Variants in H2BW1 observed in about 807,000 individuals in gnomAD.
H2BW1 encodes the protein histone H2B type W-T.
A neutral mutation model predicts 8.0 loss-of-function variants in H2BW1; 9 were observed. That is an observed-to-expected ratio of 1.13 (90% CI 0.68 to 1.97). The LOEUF (loss-of-function observed/expected upper bound fraction) is 1.97. Ranked by LOEUF, H2BW1 falls within the 30% of genes most tolerant of loss-of-function variation. H2BW1 has a pLI of 0.00. For synonymous variants in H2BW1, 58 were observed against 54.7 expected (o/e 1.06, Z -0.26); for missense variants, 137 against 132.0 (o/e 1.04, Z -0.19).
At chrX:104,012,188 G>C (rs1367721780) in intron 2 of H2BW1, among the ~76,000 whole-genome samples, 2 of 111,884 alleles carry the variant, frequency 1.8e-5, no homozygotes, top group Non-Finnish European at 3.8e-5. Context: ...TGATGCTAGG[G>C]GCAAGGAACA....
rs1556337727 is a variant in H2BW1 at position 104,013,287 on chromosome X, G to C, written c.290C>G (p.Ala97Gly). 1 of 1,210,591 alleles carries C rather than the reference G, an allele frequency of 8.3e-7. No homozygotes were observed. Among genetic ancestry groups the C allele is most frequent in the African/African-American group, 1.7e-5 (1 of 57,365 alleles). The change falls in exon 1 of 3, where the codon GCC becomes GGC. Residue 97 changes from alanine to glycine, a missense_variant. By Grantham distance (60) the Ala-to-Gly change is moderately conservative. Coordinates refer to ENST00000217926, the MANE Select transcript of H2BW1 (RefSeq NM_001002916.5). Reference protein sequence around the residue: ...DRIATEAGHLARSTKRQTITA... With the variant: ...DRIATEAGHLGRSTKRQTITA... ...GATGGTCTGGCGCTTGGTGGAGCGG[G>C]CCAGGTGACCAGCCTCGGTGGCGAT...
intron 2 of H2BW1, among the ~76,000 whole-genome samples, chrX:104,011,925 G>A (rs1199219368): frequency 9.0e-6 from 1 of 111,436 alleles, no homozygotes; most frequent in African/African-American, 3.3e-5. Context: ...CCCAGAGTAT[G>A]TTCTCTGGTC....
chrX:104,012,579 ACG>A, intron 2 of H2BW1, 109 bp downstream of exon 2: 1 of 1,098,197 alleles, frequency 9.1e-7, no homozygotes. Flanking sequence ...TGGAAAATGA[ACG>A]GATTCTTGAA....
In H2BW1 at chrX:104,012,717, TTC is replaced by T. The variant is rs782450098; in HGVS notation, c.437_438del (p.Arg146LysfsTer20). ...RTSLYAIQQQ[R>X]K ...TGCTTCTTGTATCAGCGTATTCACT[TTC>T]TCTGTTGCTGTATGGCATACAGTGA... On this transcript the variant is annotated frameshift_variant, in exon 2 of 3. Coordinates refer to ENST00000217926, the MANE Select transcript of H2BW1 (RefSeq NM_001002916.5). LOFTEE classifies it high-confidence loss of function. 34 of 1,210,219 alleles carry T rather than the reference TTC, an allele frequency of 2.8e-5. No homozygotes were observed. The African/African-American group carries it at 5.1e-4, about 18-fold the overall frequency.
At position 104,012,686 on chromosome X, in the gene H2BW1, T is replaced by C; in HGVS notation, c.*22+4A>G. 6 of 1,210,217 alleles carry C rather than the reference T, an allele frequency of 5.0e-6. No homozygotes were observed. Among genetic ancestry groups the C allele is most frequent in the Non-Finnish European group, 6.7e-6 (6 of 895,083 alleles). ...GCGGTGTTGAAAACATTTAGGAGGG[T>C]TACCTTGCTTCTTGTATCAGCGTAT... On this transcript the variant is annotated splice_donor_region_variant and intron_variant, in intron 2 of 2. Transcript: ENST00000217926.
At position 104,013,566 on chromosome X, in the gene H2BW1, G is replaced by T. The variant is rs1384640232; in HGVS notation, c.11C>A (p.Pro4His). ...TTCCTCAGAGGTCGTCTCAGAGGAA[G>T]GTCCAGCCATGGCGGAGGCAGTGGC... MAG[P>H]SSETTSEEQL... The change falls in exon 1 of 3, where the codon CCT becomes CAT. Residue 4 changes from proline (P) to histidine (H), a missense_variant. Coordinates refer to ENST00000217926, the MANE Select transcript of H2BW1 (RefSeq NM_001002916.5). The T allele has an allele frequency of 8.3e-7, 1 of 1,210,528 alleles. No individual in the cohort carries two copies. The highest frequency in any genetic ancestry group is 1.8e-5 in the South Asian group (1 of 56,801).
intron 2 of H2BW1, among the ~76,000 whole-genome samples, chrX:104,012,203 C>T (rs1159088226): frequency 8.9e-6 from 1 of 112,390 alleles, no homozygotes; most frequent in Non-Finnish European, 1.9e-5. Context: ...GGAACATATA[C>T]TACTCCTAGC....
At position 104,013,505 on chromosome X, in the gene H2BW1, G is replaced by A. The variant is rs782430934; in HGVS notation, c.72C>T (p.Ser24=). The change falls in exon 1 of 3, where the codon TCC becomes TCT. Residue 24 remains serine (S), a synonymous_variant. Coordinates refer to ENST00000217926, the MANE Select transcript of H2BW1 (RefSeq NM_001002916.5). ...LITQEPKEAN[S]TTSQKQSKQR... is the part of the protein sequence containing the mutation. Reference sequence around the variant, plus strand: ...GCTTGCTCTGCTTCTGGGACGTAGTGGAGTTGGCCTCTTTGGGCTCCTGGG... The same window carrying A: ...GCTTGCTCTGCTTCTGGGACGTAGTAGAGTTGGCCTCTTTGGGCTCCTGGG... The A allele has an allele frequency of 8.3e-7, 1 of 1,212,113 alleles. No homozygotes were observed. The highest frequency in any genetic ancestry group is 1.1e-6 in the Non-Finnish European group (1 of 895,599).
chrX:104,013,406 G>A lies in H2BW1; in HGVS notation c.171C>T (p.Phe57=), dbSNP rs1556337782. ...NCRGDSFATY[F]RRVLKQVHQG... ...GGTGAACCTGCTTCAGCACCCGGCG[G>A]AAATAGGTGGCGAAGCTGTCCCCGC... Residue 57 remains phenylalanine (F), a synonymous_variant, in exon 1 of 3, where the codon TTC becomes TTT. Transcript: ENST00000217926. The A allele has an allele frequency of 8.2e-7, 1 of 1,212,419 alleles. No homozygotes were observed. Among genetic ancestry groups the A allele is most frequent in the Admixed American group, 2.2e-5 (1 of 46,144 alleles).
At chrX:104,013,002 C>T (rs1336736367) in intron 1 of H2BW1, among the ~76,000 whole-genome samples, 168 bp downstream of exon 1, 2 of 112,115 alleles carry the variant, frequency 1.8e-5, no homozygotes, top group South Asian at 3.7e-4. Flanking sequence ...GGATGCCACA[C>T]GCCACATGCC....
Position 104,013,206 on chromosome X carries a change from T to C in H2BW1, c.371A>G (p.Lys124Arg), listed in dbSNP as rs1176666917. 8.3e-7 allele frequency: 1 copy of C among 1,209,136 alleles called. No individual in the cohort carries two copies. The highest frequency in any genetic ancestry group is 1.1e-6 in the Non-Finnish European group (1 of 894,451). The change falls in exon 1 of 3, where the codon AAG becomes AGG. Residue 124 changes from lysine to arginine, a missense_variant. By Grantham distance (26) the Lys-to-Arg change is conservative. Coordinates refer to ENST00000217926, the MANE Select transcript of H2BW1 (RefSeq NM_001002916.5). ...CTTCGTGCCTTCGGACTCGGCGAGC[T>C]TGCCCATCTGCCCCGGCAGCAGCAG... ...VRLLLPGQMG[K>R]LAESEGTKAV...
At position 104,013,417 on chromosome X, in the gene H2BW1, C is replaced by A; in HGVS notation, c.160G>T (p.Ala54Ser). Residue 54 changes from alanine to serine, a missense_variant, in exon 1 of 3, where the codon GCC becomes TCC. By Grantham distance (99) the Ala-to-Ser change is moderately conservative (BLOSUM62 1). Coordinates refer to ENST00000217926, the MANE Select transcript of H2BW1 (RefSeq NM_001002916.5). ...TTCAGCACCCGGCGGAAATAGGTGG[C>A]GAAGCTGTCCCCGCGGCAGTTGGAG... is the stretch of plus-strand genomic sequence containing the variant. Reference protein sequence around the residue: ...CHSNCRGDSFATYFRRVLKQV... With the variant: ...CHSNCRGDSFSTYFRRVLKQV... The A allele has an allele frequency of 8.2e-7, 1 of 1,212,191 alleles. No homozygotes were observed.
chrX:104,012,765 T>C lies in H2BW1; in HGVS notation c.408-17A>G, dbSNP rs1556337546. On this transcript the variant is annotated splice_polypyrimidine_tract_variant and intron_variant, in intron 1 of 2. Transcript: ENST00000217926. ...AGTGAAGTTCTGGAAAATTCCACCA[T>C]CCAGTCACAGGAGAATGAGACAGAA... The C allele has an allele frequency of 8.3e-7, 1 of 1,211,082 alleles. No individual in the cohort carries two copies. Among genetic ancestry groups the C allele is most frequent in the East Asian group, 3.0e-5 (1 of 33,819 alleles).
intron 1 of H2BW1, 37 bp downstream of exon 1, chrX:104,013,133 G>A (rs782686283): frequency 6.0e-6 from 7 of 1,170,015 alleles, no homozygotes; most frequent in African/African-American, 1.8e-5. Flanking sequence ...CGTGGTGCTC[G>A]GGTGCTCCTG....
Position 104,013,223 on chromosome X carries a change from C to T in H2BW1, c.354G>A (p.Leu118=). 4 of 1,211,294 alleles carry T rather than the reference C, an allele frequency of 3.3e-6. No homozygotes were observed. Among genetic ancestry groups the T allele is most frequent in the Non-Finnish European group, 4.5e-6 (4 of 895,077 alleles). The change falls in exon 1 of 3, where the codon CTG becomes CTA. Residue 118 remains leucine, a synonymous_variant. Coordinates refer to ENST00000217926, the MANE Select transcript of H2BW1 (RefSeq NM_001002916.5). ...CGGCGAGCTTGCCCATCTGCCCCGG[C>T]AGCAGCAGGCGCACAGCCATCCGGG... ...WETRMAVRLL[L]PGQMGKLAES...
rs1256917665 is a variant in H2BW1, at chrX:104,011,339, T to C, written c.*147A>G. The C allele has an allele frequency of 1.8e-5, 2 of 112,444 alleles. No homozygotes were observed. Among genetic ancestry groups the C allele is most frequent in the Admixed American group, 9.4e-5 (1 of 10,648 alleles). 9.3% of individuals were successfully genotyped at this position (112,444 alleles called of 1,213,427 possible). A position where few individuals can be genotyped will look rare whatever the true frequency, so the allele number is the denominator to read the frequency against. On this transcript the variant is annotated 3_prime_UTR_variant, in exon 3 of 3. Transcript: ENST00000217926. The stretch of plus-strand genomic sequence containing the variant: ...TTTTCAAAGTGTTGCTCCGGACATG[T>C]AGGGTCACCTGGCGGCACCGTCCAG...
At position 104,013,426 on chromosome X, in the gene H2BW1, C is replaced by T. The variant is rs1264516494; in HGVS notation, c.151G>A (p.Asp51Asn). Residue 51 changes from aspartate to asparagine, a missense_variant, in exon 1 of 3, where the codon GAC becomes AAC. Asp to Asn is a conservative substitution (Grantham distance 23, BLOSUM62 1). Coordinates refer to ENST00000217926, the MANE Select transcript of H2BW1 (RefSeq NM_001002916.5). ...CGGCGGAAATAGGTGGCGAAGCTGT[C>T]CCCGCGGCAGTTGGAGTGGCACCTG... ...PRRCHSNCRGDSFATYFRRVL... is the reference protein window; with the variant it reads ...PRRCHSNCRGNSFATYFRRVL... 1 of 1,211,013 alleles carries T rather than the reference C, an allele frequency of 8.3e-7. No individual in the cohort carries two copies. The highest frequency in any genetic ancestry group is 1.1e-6 in the Non-Finnish European group (1 of 895,466).
At chrX:104,012,423 G>A (rs1172875561) in intron 2 of H2BW1, among the ~76,000 whole-genome samples, 1 of 112,355 alleles carries the variant, frequency 8.9e-6, no homozygotes, top group Non-Finnish European at 1.9e-5. Context: ...TGAACACTAG[G>A]GCATGAGCCA....
Position 104,013,194 on chromosome X carries a change from G to A in H2BW1, c.383C>T (p.Ser128Phe). 8.3e-7 allele frequency: 1 copy of A among 1,208,310 alleles called. No homozygotes were observed. Among genetic ancestry groups the A allele is most frequent in the Non-Finnish European group, 1.1e-6 (1 of 893,687 alleles). Residue 128 changes from serine (S) to phenylalanine (F), a missense_variant, in exon 1 of 3, where the codon TCC becomes TTC. Coordinates refer to ENST00000217926, the MANE Select transcript of H2BW1 (RefSeq NM_001002916.5). Reference sequence around the variant, plus strand: ...CCTGAGGACAGCCTTCGTGCCTTCGGACTCGGCGAGCTTGCCCATCTGCCC... The same window carrying A: ...CCTGAGGACAGCCTTCGTGCCTTCGAACTCGGCGAGCTTGCCCATCTGCCC... ...LPGQMGKLAE[S>F]EGTKAVLRTS...
Sources: allele counts gnomAD v4.1 joint callset (sites outside exome capture counted in the v4.1 genomes callset), GRCh38; gene constraint gnomAD v4.1.1; transcripts MANE v1.5; gene names NCBI Gene and HGNC (gene_info 2026-07-23, HGNC 2026-07-21).